The following LAMA1 variants were observed in gnomAD, a reference collection of about 807,000 sequenced individuals.
LAMA1 encodes the protein laminin subunit alpha-1.
LAMA1 carries 219 observed loss-of-function variants against 348.7 expected under a neutral mutation model. The ratio of observed to expected loss-of-function variants is 0.63; its 90% CI spans 0.56 to 0.70. LAMA1 has a LOEUF of 0.70. Ranked by LOEUF, LAMA1 falls within the 30% of genes least tolerant of loss-of-function variation. The probability of loss-of-function intolerance (pLI) is 0.00; values close to 1 mark genes in which losing one functional copy is unlikely to be tolerated. For missense variants in LAMA1, 3,744 were observed against 3,888.0 expected, an observed-to-expected ratio of 0.96 and a Z score of 0.99; for synonymous variants, 1,487 against 1,491.0, an observed-to-expected ratio of 1.00 and a Z score of 0.06.
intron 5 of LAMA1, 47 bp from the exon 6 acceptor site, chr18:7,046,414 G>T: frequency 1.7e-6 from 2 of 1,177,222 alleles, no homozygotes; most frequent in Non-Finnish European, 2.5e-6. Flanking sequence ...CTAGATTTCA[G>T]TGAAATGAAA....
intron 17 of LAMA1, among the ~76,000 whole-genome samples, chr18:7,025,433 G>C (rs9959644): frequency 0.042 from 6,463 of 152,216 alleles, 389 homozygotes; most frequent in African/African-American, 0.14. Flanking sequence ...TGGTGGACAG[G>C]CCTCACTACA....
In LAMA1 at chr18:7,012,025, GC is replaced by G. The variant is rs753293472; in HGVS notation, c.3476del (p.Cys1159SerfsTer8). 6.2e-7 allele frequency: 1 copy of G among 1,610,024 alleles called. No homozygotes were observed. Among genetic ancestry groups the G allele is most frequent in the South Asian group, 1.1e-5 (1 of 90,346 alleles). On this transcript the variant is annotated frameshift_variant, in exon 24 of 63. Coordinates refer to ENST00000389658, the MANE Select transcript of LAMA1 (RefSeq NM_005559.4). LOFTEE classifies it high-confidence loss of function. ...TCCTCACGTAGTCCTCCAGCTCTGA[GC>G]AGAGGTGGGACAGCCCGGAGCAGAA... ...PCFCSGLSHLCSELEDYVRTP... is the reference protein window; with the variant it reads ...PCFCSGLSHLXSELEDYVRTP...
chr18:7,093,458 G>A (rs1047682746), intron 1 of LAMA1, among the ~76,000 whole-genome samples: 2 of 152,092 alleles, frequency 1.3e-5, no homozygotes, highest in Non-Finnish European at 2.9e-5. Context: ...GGAATTAGGG[G>A]AATCTCAAGA....
intron 12 of LAMA1, among the ~76,000 whole-genome samples, chr18:7,036,316 G>A (rs1388662587): frequency 6.6e-6 from 1 of 152,212 alleles, no homozygotes; most frequent in Non-Finnish European, 1.5e-5. Context: ...TGAAAGCACA[G>A]AAGAAAAATG....
chr18:6,950,994 G>C, intron 57 of LAMA1, 23 bp from the exon 58 acceptor site: 1 of 1,606,614 alleles, frequency 6.2e-7, no homozygotes, highest in Non-Finnish European at 8.5e-7. Context: ...AGTGCTCAGC[G>C]TTGAGAAAGG....
At chr18:7,108,076 A>C (rs1260828626) in intron 1 of LAMA1, among the ~76,000 whole-genome samples, 1 of 151,380 alleles carries the variant, frequency 6.6e-6, no homozygotes, top group Non-Finnish European at 1.5e-5. Context: ...GGTGGCTCAC[A>C]CCTCTAATCC....
At chr18:7,106,178 A>ATAGT (rs2058310950) in intron 1 of LAMA1, among the ~76,000 whole-genome samples, 1 of 152,194 alleles carries the variant, frequency 6.6e-6, no homozygotes, top group Non-Finnish European at 1.5e-5. Context: ...ACAGAGCACT[A>ATAGT]GTCTGTGGGC....
chr18:6,959,354 C>T lies in LAMA1; in HGVS notation c.7765G>A (p.Val2589Ile). 1 of 1,614,130 alleles carries T rather than the reference C, an allele frequency of 6.2e-7. No homozygotes were observed. The highest frequency in any genetic ancestry group is 8.5e-7 in the Non-Finnish European group (1 of 1,180,036). The part of the protein sequence containing the change: ...SDGQAHSISL[V>I]RNRRIITVQL... ...GCGTGCAAGTACCTCCGATTCCTGACCAAGGAGATGGAATGCGCTTGTCCA... is the reference window on the plus strand; with the variant it reads ...GCGTGCAAGTACCTCCGATTCCTGATCAAGGAGATGGAATGCGCTTGTCCA... Residue 2589 changes from valine to isoleucine, a missense_variant, in exon 54 of 63, where the codon GTC (valine) becomes ATC (isoleucine). Transcript: ENST00000389658.
intron 36 of LAMA1, among the ~76,000 whole-genome samples, chr18:6,987,430 T>C (rs1380148182): frequency 6.6e-6 from 1 of 152,210 alleles, no homozygotes. Flanking sequence ...CAAATTCAAA[T>C]TGACAAAAAG....
At position 6,945,784 on chromosome 18, in the gene LAMA1, C is replaced by A. The variant is rs76610548; in HGVS notation, c.8844+1379G>T. ...GGACGCTGGCCAAACTCTCCAGGAGCAGCCCCCATGCAGGGGCAACACTGA... is the reference window on the plus strand; with the variant it reads ...GGACGCTGGCCAAACTCTCCAGGAGAAGCCCCCATGCAGGGGCAACACTGA... On this transcript the variant is annotated intron_variant, in intron 61 of 62. Transcript: ENST00000389658. Among the ~76,000 whole-genome samples, 721 of 152,234 alleles carry A rather than the reference C, an allele frequency of 4.7e-3. 6 individuals carry two copies. Among genetic ancestry groups the A allele is most frequent in the African/African-American group, 0.017 (686 of 41,550 alleles).
chr18:7,093,212 C>A (rs528274777), intron 1 of LAMA1, among the ~76,000 whole-genome samples: 3 of 152,138 alleles, frequency 2.0e-5, no homozygotes, highest in East Asian at 1.9e-4. Flanking sequence ...GTCAGGATAT[C>A]AAGACCATCC....
At chr18:7,027,466 C>T (rs967644648) in intron 16 of LAMA1, among the ~76,000 whole-genome samples, 1 of 151,434 alleles carries the variant, frequency 6.6e-6, no homozygotes, top group African/African-American at 2.4e-5. Context: ...CTTGGGTAAA[C>T]TCCTAATTAT....
At chr18:7,114,655 C>G (rs904870065) in intron 1 of LAMA1, among the ~76,000 whole-genome samples, 2 of 152,122 alleles carry the variant, frequency 1.3e-5, no homozygotes, top group African/African-American at 4.8e-5. Flanking sequence ...CTAAAACACA[C>G]GTTATGTCCC....
At chr18:6,950,752 G>A (rs777548882) in intron 58 of LAMA1, 30 bp downstream of exon 58, 3 of 1,612,312 alleles carry the variant, frequency 1.9e-6, no homozygotes, top group Non-Finnish European at 2.5e-6. Context: ...GAACTCAGAA[G>A]CAGCCACCAC....
chr18:6,957,017 G>A (rs2057582197), intron 55 of LAMA1: 1 of 472,762 alleles, frequency 2.1e-6, no homozygotes, highest in East Asian at 4.4e-5. Context: ...GGCCATTCCT[G>A]AGCACCCCCC....
At chr18:7,083,477 C>T (rs1033423725) in intron 1 of LAMA1, among the ~76,000 whole-genome samples, 10 of 151,828 alleles carry the variant, frequency 6.6e-5, no homozygotes, top group South Asian at 2.1e-4. Context: ...TGAGCCACCG[C>T]GCCGGGCCCT....
rs139804199 is a variant in LAMA1 at position 7,050,728 on chromosome 18, T to C, written c.554A>G (p.Tyr185Cys). ...RADDEVICTS[Y>C]YSRLVPLEHG... ...CTCAAGTGGCACCAATCTGGAATAA[T>C]AGGAGGTGCAGATCACTTCATCATC... Residue 185 changes from tyrosine (Y) to cysteine (C), a missense_variant, in exon 4 of 63, where the codon TAT (tyrosine) becomes TGT (cysteine). Transcript: ENST00000389658. 289 of 1,613,922 alleles carry C rather than the reference T, an allele frequency of 1.8e-4. No homozygotes were observed. The highest frequency in any genetic ancestry group is 9.2e-5 in the Non-Finnish European group (109 of 1,180,010).
chr18:7,035,740 G>T (rs1253368846), intron 13 of LAMA1, among the ~76,000 whole-genome samples: 1 of 152,126 alleles, frequency 6.6e-6, no homozygotes, highest in African/African-American at 2.4e-5. Context: ...AATGTGAAAA[G>T]ATGGGTACAC....
intron 34 of LAMA1, among the ~76,000 whole-genome samples, chr18:6,994,825 A>G (rs962669887): frequency 1.6e-4 from 25 of 152,186 alleles, no homozygotes; most frequent in African/African-American, 5.1e-4. Context: ...CAGAATAAAT[A>G]ATTCCCTGAT....
Sources: gnomAD v4.1 joint callset for allele counts (sites outside exome capture counted in the v4.1 genomes callset) on GRCh38, gnomAD v4.1.1 for gene constraint, MANE v1.5 for transcripts, NCBI Gene and HGNC (gene_info 2026-07-23, HGNC 2026-07-21) for gene names.